The following DOK4 variants were observed in gnomAD, a reference collection of about 807,000 sequenced individuals.
DOK4 encodes downstream of tyrosine kinase 4.
DOK4 carries 26 observed loss-of-function variants against 40.1 expected under a neutral mutation model. The ratio of observed to expected loss-of-function variants is 0.65; its 90% CI spans 0.48 to 0.90. The LOEUF (loss-of-function observed/expected upper bound fraction) is 0.90, where lower values mean the gene tolerates loss of function less well. Among genes scored for constraint, DOK4 ranks in the 40% least tolerant of loss-of-function variants. The pLI is 0.00. For synonymous variants in DOK4, 179 were observed against 177.0 expected (o/e 1.01, Z -0.09); for missense variants, 392 against 437.2 (o/e 0.90, Z 0.92).
intron 3 of DOK4, 40 bp from the exon 4 acceptor site, chr16:57,475,660 A>ATCTCTCTC (rs745508207): frequency 0.06 from 28,130 of 465,078 alleles, 531 homozygotes; most frequent in East Asian, 0.16. Flanking sequence ...AGGCCAGTGC[A>ATCTCTCTC]TCTCTCTCTC....
At chr16:57,473,970 G>A (rs1462115008) in exon 7 of DOK4, 2 of 1,614,124 alleles carry the variant, frequency 1.2e-6, no homozygotes, top group Admixed American at 3.3e-5. Context: ...TGGCACTGTG[G>A]ACGCGCTGGT....
chr16:57,479,843 AC>A lies in DOK4; in HGVS notation c.-181-156del. On this transcript the variant is annotated intron_variant, in intron 1 of 8. Coordinates refer to ENST00000340099, the Ensembl canonical transcript of DOK4. The surrounding 1 kb of genome is among the most constrained non-coding windows in gnomAD (Gnocchi z 5.8). Reference sequence around the variant, plus strand: ...CCCTTCTTCCTTCCCTTCCCTCCCCACCCCAGGACGACAGAACCATTCAGGA... The same window carrying A: ...CCCTTCTTCCTTCCCTTCCCTCCCCACCCAGGACGACAGAACCATTCAGGA... 1 of 217,980 alleles carries A rather than the reference AC, an allele frequency of 4.6e-6. No homozygotes were observed. The highest frequency in any genetic ancestry group is 8.9e-6 in the Non-Finnish European group (1 of 112,678). 13.5% of individuals were successfully genotyped at this position (217,980 alleles called of 1,614,324 possible).
At chr16:57,482,293 C>T (rs1261028631) in intron 1 of DOK4, among the ~76,000 whole-genome samples, 1 of 151,846 alleles carries the variant, frequency 6.6e-6, no homozygotes, top group Admixed American at 6.6e-5. Context: ...TCCTGAATAG[C>T]TGGGACCGCA....
chr16:57,476,241 T>C (rs1366121447), intron 2 of DOK4: 1 of 427,978 alleles, frequency 2.3e-6, no homozygotes, highest in Admixed American at 3.7e-5. Context: ...CCGCTGAGTT[T>C]AGTGTGAGTA....
At chr16:57,486,518 C>G (rs1287801184), upstream of DOK4, 1 of 151,732 alleles carries the variant, frequency 6.6e-6, no homozygotes, top group African/African-American at 2.4e-5. Context: ...TCCGCCAGGT[C>G]TCGCCGCTGC....
At chr16:57,474,611 G>A (rs74930913) in intron 6 of DOK4, 182 bp downstream of exon 6, 343 of 768,696 alleles carry the variant, frequency 4.5e-4, no homozygotes, top group Non-Finnish European at 4.4e-4. Flanking sequence ...CATGCTGTGG[G>A]CAAGTTACTC....
At position 57,479,086 on chromosome 16, in the gene DOK4, C is replaced by T. The variant is rs927973154; in HGVS notation, c.66+356G>A. The stretch of plus-strand genomic sequence containing the variant: ...CCAGGGGAAGTGAGACGCTGCTTCT[C>T]AGCTCAGACACAGCCCGGCCTTGCC... On this transcript the variant is annotated intron_variant, in intron 2 of 8. Transcript: ENST00000340099. The surrounding 1 kb of genome is among the most constrained non-coding windows in gnomAD (Gnocchi z 5.8). 6.6e-6 allele frequency among the ~76,000 whole-genome samples: 1 copy of T among 152,174 alleles called. No individual in the cohort carries two copies. Among genetic ancestry groups the T allele is most frequent in the African/African-American group, 2.4e-5 (1 of 41,444 alleles).
Position 57,473,311 on chromosome 16 carries a change from G to A in DOK4, c.*66C>T, listed in dbSNP as rs544743298. ...CCGACAGCCCCCTGAGGCTGTCCACGGTACACTGCAGCCAGCCCCGCAGCA... is the reference window on the plus strand; with the variant it reads ...CCGACAGCCCCCTGAGGCTGTCCACAGTACACTGCAGCCAGCCCCGCAGCA... On this transcript the variant is annotated 3_prime_UTR_variant, in exon 9 of 9. Coordinates refer to ENST00000340099, the Ensembl canonical transcript of DOK4. The A allele has an allele frequency of 6.9e-5, 107 of 1,552,762 alleles. No individual in the cohort carries two copies. The South Asian group carries it at 7.8e-4, about 11-fold the overall frequency.
chr16:57,475,902 C>T (rs1431693319), exon 3 of DOK4: 6 of 1,613,602 alleles, frequency 3.7e-6, no homozygotes, highest in East Asian at 4.5e-5. Flanking sequence ...CTTCTCCAGC[C>T]GCTGGGGCCC....
At chr16:57,482,629 C>T (rs1188463409) in intron 1 of DOK4, among the ~76,000 whole-genome samples, 6 of 151,188 alleles carry the variant, frequency 4.0e-5, no homozygotes, top group African/African-American at 1.5e-4. Context: ...GGCCTTCCAA[C>T]GTTCTGGGAT....
chr16:57,484,482 T>A (rs146468456), intron 1 of DOK4, among the ~76,000 whole-genome samples: 1 of 152,140 alleles, frequency 6.6e-6, no homozygotes, highest in African/African-American at 2.4e-5. Flanking sequence ...TCAAGGTGGA[T>A]GGCAAAGACA....
intron 2 of DOK4, among the ~76,000 whole-genome samples, chr16:57,477,851 T>C (rs1193053693): frequency 6.6e-6 from 1 of 152,174 alleles, no homozygotes; most frequent in East Asian, 1.9e-4. Flanking sequence ...GTGAGGCTCC[T>C]GGCTTCAGAG....
chr16:57,483,250 C>T (rs1432964299), intron 1 of DOK4, among the ~76,000 whole-genome samples: 2 of 152,180 alleles, frequency 1.3e-5, no homozygotes, highest in Non-Finnish European at 2.9e-5. Flanking sequence ...CCAGAACCAA[C>T]CCACCATCCT....
intron 7 of DOK4, 80 bp from the exon 8 acceptor site, chr16:57,473,816 C>T: frequency 6.3e-7 from 1 of 1,593,936 alleles, no homozygotes; most frequent in Non-Finnish European, 8.6e-7. Flanking sequence ...CTACCTGCCT[C>T]CACTGTGTAC....
rs562041702 is a variant in DOK4, at chr16:57,479,242, G to C, written c.66+200C>G. Among the ~76,000 whole-genome samples, 1 of 152,360 alleles carries C rather than the reference G, an allele frequency of 6.6e-6. No homozygotes were observed. The highest frequency in any genetic ancestry group is 1.9e-4 in the East Asian group (1 of 5,180). On this transcript the variant is annotated intron_variant, in intron 2 of 8. Transcript: ENST00000340099. The surrounding 1 kb of genome is among the most constrained non-coding windows in gnomAD (Gnocchi z 5.8). The stretch of plus-strand genomic sequence containing the variant: ...GTTGGGATGCCAGCCAGCCCTCTGG[G>C]GCGGGGGCTGCAGCAGGCAGAACCC...
chr16:57,475,883 A>G, exon 3 of DOK4: 1 of 1,612,702 alleles, frequency 6.2e-7, no homozygotes, highest in Non-Finnish European at 8.5e-7. Context: ...CCGACTTCTC[A>G]TCTGGATACT....
Position 57,473,610 on chromosome 16 carries a change from C to T in DOK4, c.862+3G>A, listed in dbSNP as rs1302354369. 2.5e-6 allele frequency: 4 copies of T among 1,614,264 alleles called. No individual in the cohort carries two copies. In the Admixed American group the frequency reaches 5.0e-5, roughly 20 times the overall value. On this transcript the variant is annotated splice_donor_region_variant and intron_variant, in intron 8 of 8. Transcript: ENST00000340099. ...GTGGGTGTGGGGCATGGAAGCGACT[C>T]ACCAGCATAGCTGGAGGCTTCGGCG...
Position 57,479,491 on chromosome 16 carries a change from C to T in DOK4, c.17G>A (p.Ser6Asn), listed in dbSNP as rs754199532. 1.9e-6 allele frequency: 3 copies of T among 1,613,820 alleles called. No individual in the cohort carries two copies. The highest frequency in any genetic ancestry group is 2.5e-6 in the Non-Finnish European group (3 of 1,179,938). The change falls in exon 2 of 9, where the codon AGT (serine) becomes AAT (asparagine). Residue 6 changes from serine (S) to asparagine (N), a missense_variant. Coordinates refer to ENST00000340099, the Ensembl canonical transcript of DOK4. The surrounding 1 kb of genome is among the most constrained non-coding windows in gnomAD (Gnocchi z 5.8). ...CACGTAGCCTTGCTTGACGATGTCACTGAAATTGGTCGCCATGGTTTTCCC... is the reference window on the plus strand; with the variant it reads ...CACGTAGCCTTGCTTGACGATGTCATTGAAATTGGTCGCCATGGTTTTCCC...
rs1241356388 is a variant in DOK4, at chr16:57,479,648, C to T, written c.-141G>A. 18 of 804,634 alleles carry T rather than the reference C, an allele frequency of 2.2e-5. No homozygotes were observed. Among genetic ancestry groups the T allele is most frequent in the Admixed American group, 8.0e-5 (4 of 50,032 alleles). The allele number at this position is 804,634 out of a possible 1,614,324, so 49.8% of individuals were successfully genotyped here. ...GCGAGGGGCTGCTCCTCACCTCACC[C>T]GCCTCAGCATTGTTCTAGCAGCTCC... On this transcript the variant is annotated 5_prime_UTR_variant, in exon 2 of 9. Coordinates refer to ENST00000340099, the Ensembl canonical transcript of DOK4. The surrounding 1 kb of genome is among the most constrained non-coding windows in gnomAD (Gnocchi z 5.8).
Sources: allele counts gnomAD v4.1 joint callset (sites outside exome capture counted in the v4.1 genomes callset), GRCh38; gene constraint gnomAD v4.1.1; non-coding constraint Gnocchi (gnomAD v3.1); transcripts MANE v1.5; gene names NCBI Gene and HGNC (gene_info 2026-07-23, HGNC 2026-07-21).